The following TRPC4AP variants were observed in gnomAD, a reference collection of about 807,000 sequenced individuals.
TRPC4AP encodes short transient receptor potential channel 4-associated protein.
A neutral mutation model predicts 99.0 loss-of-function variants in TRPC4AP; 45 were observed. That is an observed-to-expected ratio of 0.45 (90% CI 0.36 to 0.58). The LOEUF is 0.58. Among genes scored for constraint, TRPC4AP ranks in the 20% least tolerant of loss-of-function variants. The pLI, the probability that TRPC4AP is intolerant of heterozygous loss-of-function variation, is 0.00. For synonymous variants in TRPC4AP, 408 were observed against 385.8 expected (o/e 1.06, Z -0.67); for missense variants, 879 against 985.3 (o/e 0.89, Z 1.44).
At chr20:35,043,242 G>T (rs2083480593) in intron 7 of TRPC4AP, among the ~76,000 whole-genome samples, 1 of 151,148 alleles carries the variant, frequency 6.6e-6, no homozygotes, top group African/African-American at 2.4e-5. Context: ...ATGTTGCAAT[G>T]AATAATTTTT....
intron 8 of TRPC4AP, among the ~76,000 whole-genome samples, chr20:35,033,041 C>CA (rs1334309097): frequency 1.3e-5 from 2 of 151,782 alleles, no homozygotes; most frequent in Non-Finnish European, 2.9e-5. Flanking sequence ...TACTAAAATA[C>CA]AAAAAATTAG....
intron 1 of TRPC4AP, among the ~76,000 whole-genome samples, chr20:35,084,704 GTA>G (rs767483163): frequency 5.9e-5 from 8 of 136,676 alleles, no homozygotes; most frequent in African/African-American, 8.2e-5. Context: ...ATGTGTATAT[GTA>G]TATATGTTTA....
At chr20:35,007,972 C>A (rs1409629204) in intron 13 of TRPC4AP, among the ~76,000 whole-genome samples, 1 of 152,132 alleles carries the variant, frequency 6.6e-6, no homozygotes, top group Non-Finnish European at 1.5e-5. Flanking sequence ...GGAGGACGTG[C>A]AATTGAGGGG....
intron 2 of TRPC4AP, among the ~76,000 whole-genome samples, chr20:35,072,187 T>C (rs1327517937): frequency 6.6e-6 from 1 of 152,230 alleles, no homozygotes; most frequent in African/African-American, 2.4e-5. Context: ...ATTAGCCCTT[T>C]GTCAGATGGG....
chr20:35,031,736 C>T (rs2083199818), intron 8 of TRPC4AP, among the ~76,000 whole-genome samples: 1 of 152,018 alleles, frequency 6.6e-6, no homozygotes, highest in Non-Finnish European at 1.5e-5. Flanking sequence ...TAGTGCCCCA[C>T]ATTATTTTAA....
At chr20:35,061,026 A>C (rs574939679) in intron 3 of TRPC4AP, among the ~76,000 whole-genome samples, 5 of 152,314 alleles carry the variant, frequency 3.3e-5, no homozygotes, top group Admixed American at 2.6e-4. Flanking sequence ...AAAGGCACCC[A>C]AATTGGAAAG....
At chr20:35,086,431 A>ATGTGTGTGTGTGTGTGTGTGTG (rs150231202) in intron 1 of TRPC4AP, among the ~76,000 whole-genome samples, 1 of 109,470 alleles carries the variant, frequency 9.1e-6, no homozygotes, top group East Asian at 2.8e-4. Context: ...TGAATGGCAT[A>ATGTGTGTGTGTGTGTGTGTGTG]TGTGTGTGTG....
intron 2 of TRPC4AP, among the ~76,000 whole-genome samples, chr20:35,077,107 T>C: frequency 6.6e-6 from 1 of 152,094 alleles, no homozygotes; most frequent in East Asian, 1.9e-4. Flanking sequence ...GCTAAGGCCG[T>C]TGGAAAAGTG....
At chr20:35,036,068 A>G (rs1004121181) in intron 7 of TRPC4AP, among the ~76,000 whole-genome samples, 4 of 152,240 alleles carry the variant, frequency 2.6e-5, no homozygotes, top group Non-Finnish European at 5.9e-5. Context: ...AAACTGAATA[A>G]TCACCCAATT....
intron 8 of TRPC4AP, among the ~76,000 whole-genome samples, chr20:35,022,908 A>T (rs1357442922): frequency 6.6e-6 from 1 of 152,014 alleles, no homozygotes; most frequent in Admixed American, 6.6e-5. Context: ...CTGTAGTCCC[A>T]GCTACTCAAG....
chr20:35,092,429 C>A (rs1038942552), intron 1 of TRPC4AP, among the ~76,000 whole-genome samples, 185 bp downstream of exon 1: 2 of 152,260 alleles, frequency 1.3e-5, no homozygotes, highest in Non-Finnish European at 2.9e-5. Flanking sequence ...CAAGGGACAT[C>A]AAGCCAGCTG....
intron 2 of TRPC4AP, among the ~76,000 whole-genome samples, chr20:35,074,732 A>T (rs1569145797): frequency 6.6e-6 from 1 of 152,232 alleles, no homozygotes; most frequent in Non-Finnish European, 1.5e-5. Flanking sequence ...GGCGCTGAGA[A>T]GAATGTATAT....
intron 2 of TRPC4AP, among the ~76,000 whole-genome samples, chr20:35,073,631 C>T (rs1007651724): frequency 2.0e-5 from 3 of 152,144 alleles, no homozygotes; most frequent in Non-Finnish European, 2.9e-5. Context: ...CCAACTTGAT[C>T]GTGGTGAATA....
intron 2 of TRPC4AP, among the ~76,000 whole-genome samples, chr20:35,070,349 C>G (rs2084274291): frequency 6.6e-6 from 1 of 152,154 alleles, no homozygotes; most frequent in South Asian, 2.1e-4. Context: ...TTCAGACCCC[C>G]AAAACAATCT....
At chr20:35,050,738 C>A (rs1275257688) in intron 5 of TRPC4AP, among the ~76,000 whole-genome samples, 2 of 150,628 alleles carry the variant, frequency 1.3e-5, no homozygotes, top group Non-Finnish European at 3.0e-5. Context: ...ACAAAAAAAC[C>A]AACAACAACA....
chr20:35,080,547 A>C (rs1025018931), intron 1 of TRPC4AP, among the ~76,000 whole-genome samples: 67 of 150,782 alleles, frequency 4.4e-4, no homozygotes, highest in Middle Eastern at 3.4e-3. Flanking sequence ...AAAAAAAAAA[A>C]AAAAAAAAAC....
At chr20:35,038,202 G>C (rs56363533) in intron 7 of TRPC4AP, among the ~76,000 whole-genome samples, 20,740 of 150,278 alleles carry the variant, frequency 0.14, 1,790 homozygotes, top group African/African-American at 0.25. Flanking sequence ...TTCACTTTAA[G>C]ACGGCTAATT....
chr20:35,089,374 G>C (rs1353697292), intron 1 of TRPC4AP, among the ~76,000 whole-genome samples: 1 of 149,060 alleles, frequency 6.7e-6, no homozygotes, highest in African/African-American at 2.5e-5. Context: ...CTACAGGCAT[G>C]CATTTCCACA....
rs1218368775 is a variant in TRPC4AP, at chr20:35,003,498, C to G, written c.2168G>C (p.Gly723Ala). Residue 723 changes from glycine to alanine, a missense_variant, in exon 18 of 19, where the codon GGC (glycine) becomes GCC (alanine). Coordinates refer to ENST00000252015, the MANE Select transcript of TRPC4AP (RefSeq NM_015638.3). ...QRMEHSKKYP[G>A]FLLNNFHNLL... is the part of the protein sequence containing the mutation. ...GTTGTGGAAGTTGTTGAGCAGGAAG[C>G]CGGGGTACTTCTTGCTGTGCTCCAT... 3 of 1,613,966 alleles carry G rather than the reference C, an allele frequency of 1.9e-6. No individual in the cohort carries two copies. Among genetic ancestry groups the G allele is most frequent in the Non-Finnish European group, 1.7e-6 (2 of 1,180,042 alleles).
Sources: gnomAD v4.1 joint callset for allele counts (sites outside exome capture counted in the v4.1 genomes callset) on GRCh38, gnomAD v4.1.1 for gene constraint, MANE v1.5 for transcripts, NCBI Gene and HGNC (gene_info 2026-07-23, HGNC 2026-07-21) for gene names.